The following PKNOX2 variants were observed in gnomAD, a reference collection of about 807,000 sequenced individuals.
The protein encoded by PKNOX2 is PBX/knotted 1 homeobox 2.
In PKNOX2, 14 loss-of-function variants were observed where a neutral mutation model predicts 53.1. The observed-to-expected ratio is 0.26, with a 90% CI of 0.17 to 0.41. The LOEUF is 0.41. PKNOX2 is among the 10% of genes least tolerant of loss of function. The pLI is 1.00. For missense variants in PKNOX2, 496 were observed against 602.8 expected (o/e 0.82, Z 1.85); for synonymous variants, 257 against 242.8 (o/e 1.06, Z -0.54).
At chr11:125,187,663 TC>T (rs1245251710) in intron 1 of PKNOX2, among the ~76,000 whole-genome samples, 1 of 149,702 alleles carries the variant, frequency 6.7e-6, no homozygotes, top group Non-Finnish European at 1.5e-5. Flanking sequence ...GCCTTTTATT[TC>T]TTTTTTTTTT....
intron 4 of PKNOX2, among the ~76,000 whole-genome samples, 192 bp from the exon 5 acceptor site, chr11:125,367,654 C>A (rs911078321): frequency 3.3e-5 from 5 of 152,168 alleles, no homozygotes; most frequent in African/African-American, 1.2e-4. Context: ...AGAACATGCT[C>A]ATTTGAAGAA....
chr11:125,307,203 G>A (rs1948521329), intron 2 of PKNOX2, among the ~76,000 whole-genome samples: 1 of 152,188 alleles, frequency 6.6e-6, no homozygotes, highest in Non-Finnish European at 1.5e-5. Context: ...CAGATGGACG[G>A]ATGGACAGTT....
chr11:125,205,420 C>A (rs1938974904), intron 1 of PKNOX2, among the ~76,000 whole-genome samples: 1 of 152,248 alleles, frequency 6.6e-6, no homozygotes, highest in Non-Finnish European at 1.5e-5. Flanking sequence ...GCCAGGCAGG[C>A]AGCTTCTTGA....
chr11:125,354,191 A>T (rs576250862), intron 4 of PKNOX2, among the ~76,000 whole-genome samples: 10 of 152,204 alleles, frequency 6.6e-5, no homozygotes, highest in Non-Finnish European at 1.5e-4. Flanking sequence ...AGACTGCTGC[A>T]TTTCCCTTCA....
At chr11:125,334,840 G>A (rs1405201087) in intron 3 of PKNOX2, among the ~76,000 whole-genome samples, 3 of 151,992 alleles carry the variant, frequency 2.0e-5, no homozygotes, top group African/African-American at 7.3e-5. Context: ...CTGAGTCCAA[G>A]TAATCTGCCT....
intron 2 of PKNOX2, among the ~76,000 whole-genome samples, chr11:125,327,597 A>C (rs998008404): frequency 6.6e-6 from 1 of 152,198 alleles, no homozygotes; most frequent in Admixed American, 6.5e-5. Flanking sequence ...AAAGGGGCAC[A>C]CAGCTTGAGT....
intron 2 of PKNOX2, among the ~76,000 whole-genome samples, chr11:125,265,006 T>C (rs1591504126): frequency 6.6e-6 from 1 of 152,070 alleles, no homozygotes; most frequent in Non-Finnish European, 1.5e-5. Context: ...ACAGGGCTTA[T>C]GGCCGGGCAT....
intron 1 of PKNOX2, among the ~76,000 whole-genome samples, chr11:125,209,173 CACA>C (rs1173839531): frequency 1.3e-5 from 2 of 152,074 alleles, no homozygotes; most frequent in Non-Finnish European, 2.9e-5. Context: ...ACCTAGTCCT[CACA>C]ACACTTAAGG....
intron 1 of PKNOX2, among the ~76,000 whole-genome samples, chr11:125,199,852 T>C (rs1938224985): frequency 6.6e-6 from 1 of 152,084 alleles, no homozygotes. Flanking sequence ...GTCTCAAAAA[T>C]ACAAAACAAA....
chr11:125,410,431 G>T, intron 8 of PKNOX2, 106 bp downstream of exon 8: 2 of 1,448,886 alleles, frequency 1.4e-6, no homozygotes, highest in East Asian at 4.8e-5. Context: ...CGAGGGAGGG[G>T]CTCCCAGCTC....
chr11:125,311,457 A>G (rs1948800763), intron 2 of PKNOX2, among the ~76,000 whole-genome samples: 2 of 152,200 alleles, frequency 1.3e-5, no homozygotes, highest in Admixed American at 1.3e-4. Context: ...AGCCCTAGGT[A>G]GAAGGGACAA....
intron 1 of PKNOX2, among the ~76,000 whole-genome samples, chr11:125,178,813 A>G (rs73615792): frequency 0.04 from 6,103 of 151,966 alleles, 433 homozygotes; most frequent in African/African-American, 0.14. Context: ...AGACCTTAGA[A>G]TCAAAGACTG....
intron 11 of PKNOX2, 124 bp from the exon 12 acceptor site, chr11:125,429,839 A>C (rs1489659456): frequency 1.7e-6 from 2 of 1,150,628 alleles, no homozygotes; most frequent in African/African-American, 3.1e-5. Flanking sequence ...GGGCTTTTAC[A>C]TCCGGGATGG....
chr11:125,252,176 G>A (rs931705178), intron 2 of PKNOX2, among the ~76,000 whole-genome samples: 30 of 152,214 alleles, frequency 2.0e-4, no homozygotes, highest in Non-Finnish European at 5.9e-5. Flanking sequence ...GTGAGTGGAA[G>A]TACTCCAGGC....
intron 1 of PKNOX2, among the ~76,000 whole-genome samples, chr11:125,217,712 A>G (rs1175247846): frequency 6.6e-6 from 1 of 152,136 alleles, no homozygotes; most frequent in Non-Finnish European, 1.5e-5. Flanking sequence ...CTTTGCATGG[A>G]CTTTTCCTCA....
intron 3 of PKNOX2, among the ~76,000 whole-genome samples, chr11:125,348,433 G>A (rs1951111073): frequency 6.6e-6 from 1 of 152,240 alleles, no homozygotes; most frequent in Admixed American, 6.5e-5. Flanking sequence ...GGGTAATGGG[G>A]CAGTGGCCTA....
At chr11:125,191,310 G>C (rs1391424092) in intron 1 of PKNOX2, 1 of 152,202 alleles carries the variant, frequency 6.6e-6, no homozygotes, top group Admixed American at 6.5e-5. Context: ...ACAGGCTACT[G>C]CCTGTGTGTT....
intron 2 of PKNOX2, among the ~76,000 whole-genome samples, chr11:125,245,017 A>G (rs544004213): frequency 4.9e-4 from 74 of 152,284 alleles, no homozygotes; most frequent in African/African-American, 1.7e-3. Flanking sequence ...CTGCAGAGGC[A>G]GGAGAAGTTC....
chr11:125,425,966 G>C (rs1323301349), intron 10 of PKNOX2, among the ~76,000 whole-genome samples: 1 of 152,236 alleles, frequency 6.6e-6, no homozygotes, highest in Non-Finnish European at 1.5e-5. Context: ...GCGGTGGTTA[G>C]GGGCTTTCTA....
Sources: allele counts gnomAD v4.1 joint callset (sites outside exome capture counted in the v4.1 genomes callset), GRCh38; gene constraint gnomAD v4.1.1; transcripts MANE v1.5; gene names NCBI Gene and HGNC (gene_info 2026-07-23, HGNC 2026-07-21).